Variants in CHST9 observed in about 807,000 individuals in gnomAD.
The protein encoded by CHST9 is GalNAc-4-sulfotransferase 2.
CHST9 carries 41 observed loss-of-function variants against 44.4 expected under a neutral mutation model. That is an observed-to-expected ratio of 0.92 (90% CI 0.72 to 1.20). The LOEUF is 1.20. Among genes scored for constraint, CHST9 ranks in the 50% most tolerant of loss-of-function variants. The pLI, the probability that CHST9 is intolerant of heterozygous loss-of-function variation, is 0.00. For missense variants in CHST9, 504 were observed against 516.5 expected, an observed-to-expected ratio of 0.98 and a Z score of 0.23; for synonymous variants, 171 against 178.4, an observed-to-expected ratio of 0.96 and a Z score of 0.33.
At chr18:27,131,754 G>A (rs73406627) in intron 2 of CHST9, among the ~76,000 whole-genome samples, 22 of 152,234 alleles carry the variant, frequency 1.4e-4, no homozygotes, top group African/African-American at 5.3e-4. Context: ...AAGACCTAAG[G>A]CCATGAAAGG....
chr18:26,929,000 G>A (rs556620973), intron 5 of CHST9, among the ~76,000 whole-genome samples: 79 of 152,294 alleles, frequency 5.2e-4, no homozygotes, highest in African/African-American at 1.7e-3. Flanking sequence ...TTTTGGAAAC[G>A]TTGAAATGTA....
intron 4 of CHST9, among the ~76,000 whole-genome samples, chr18:26,956,065 G>C (rs2056318139): frequency 6.6e-6 from 1 of 152,010 alleles, no homozygotes; most frequent in South Asian, 2.1e-4. Context: ...GGGAGGCTGA[G>C]GCAGGTGGAT....
intron 2 of CHST9, among the ~76,000 whole-genome samples, chr18:27,078,222 AGT>A (rs1303236344): frequency 2.0e-5 from 3 of 152,190 alleles, no homozygotes; most frequent in Admixed American, 6.5e-5. Context: ...AGGGTAACAG[AGT>A]GTGACATACA....
intron 2 of CHST9, among the ~76,000 whole-genome samples, chr18:27,129,337 A>G (rs73406623): frequency 0.017 from 2,636 of 151,904 alleles, 60 homozygotes; most frequent in African/African-American, 0.058. Flanking sequence ...CAAACCTCTT[A>G]ATTGCCTTAA....
intron 2 of CHST9, among the ~76,000 whole-genome samples, chr18:27,075,699 A>G (rs1419631810): frequency 8.6e-6 from 1 of 115,668 alleles, no homozygotes; most frequent in East Asian, 2.6e-4. Flanking sequence ...ACATACTCCC[A>G]GATGTGCAAA....
intron 2 of CHST9, among the ~76,000 whole-genome samples, chr18:27,128,374 A>T (rs761557753): frequency 6.6e-6 from 1 of 152,142 alleles, no homozygotes; most frequent in Non-Finnish European, 1.5e-5. Flanking sequence ...GGTTCAAGCA[A>T]TGCTCCTGCC....
intron 1 of CHST9, among the ~76,000 whole-genome samples, chr18:27,150,107 T>C (rs2058647880): frequency 6.6e-6 from 1 of 152,082 alleles, no homozygotes. Context: ...TTTTGATTTT[T>C]TTTTTTTCTT....
intron 2 of CHST9, among the ~76,000 whole-genome samples, chr18:27,064,785 T>C (rs1439081429): frequency 6.6e-6 from 1 of 152,178 alleles, no homozygotes; most frequent in East Asian, 1.9e-4. Flanking sequence ...CTGGCACTTC[T>C]TGGTACAGGC....
intron 2 of CHST9, among the ~76,000 whole-genome samples, chr18:27,068,046 G>A (rs2057800181): frequency 6.6e-6 from 1 of 151,846 alleles, no homozygotes; most frequent in African/African-American, 2.4e-5. Flanking sequence ...ACCTAACCAT[G>A]CCCCTAAAAG....
chr18:27,052,243 TAG>T (rs1317152210), intron 2 of CHST9, among the ~76,000 whole-genome samples: 1 of 151,768 alleles, frequency 6.6e-6, no homozygotes, highest in East Asian at 1.9e-4. Flanking sequence ...TGTGTATATA[TAG>T]GTGTGTGTGT....
At chr18:26,971,456 A>G (rs2056541230) in intron 4 of CHST9, among the ~76,000 whole-genome samples, 1 of 152,232 alleles carries the variant, frequency 6.6e-6, no homozygotes, top group Non-Finnish European at 1.5e-5. Flanking sequence ...GTCAGAATAG[A>G]CTAGGTTGTG....
At chr18:27,140,616 T>G (rs575247063) in intron 2 of CHST9, among the ~76,000 whole-genome samples, 1 of 152,324 alleles carries the variant, frequency 6.6e-6, no homozygotes, top group South Asian at 2.1e-4. Context: ...TGAGATCTTT[T>G]TCTTTCTTCT....
chr18:27,074,442 A>T (rs1438855401), intron 2 of CHST9, among the ~76,000 whole-genome samples: 3 of 152,204 alleles, frequency 2.0e-5, no homozygotes, highest in Non-Finnish European at 2.9e-5. Context: ...ATTAGCATTT[A>T]AAAAATAGCC....
chr18:27,141,358 C>T (rs916295116), intron 2 of CHST9, among the ~76,000 whole-genome samples: 14 of 152,004 alleles, frequency 9.2e-5, no homozygotes, highest in Non-Finnish European at 1.9e-4. Flanking sequence ...GAGCAAGACT[C>T]TGTCTCAAAA....
At position 26,916,237 on chromosome 18, in the gene CHST9, G is replaced by A. The variant is rs2055517743; in HGVS notation, c.*22C>T. On this transcript the variant is annotated 3_prime_UTR_variant, in exon 6 of 6. Coordinates refer to ENST00000618847, the MANE Select transcript of CHST9 (RefSeq NM_031422.6). ...ACTTATCATCATTAAGTATATACAGGGTTTTAGAAAATGAATGCAAACTAC... is the reference window on the plus strand; with the variant it reads ...ACTTATCATCATTAAGTATATACAGAGTTTTAGAAAATGAATGCAAACTAC... 2.0e-6 allele frequency: 3 copies of A among 1,466,064 alleles called. No homozygotes were observed. Among genetic ancestry groups the A allele is most frequent in the Non-Finnish European group, 2.8e-6 (3 of 1,065,240 alleles). The allele number at this position is 1,466,064 out of a possible 1,614,324, so 90.8% of individuals were successfully genotyped here.
chr18:27,021,552 C>G (rs1184008978), intron 4 of CHST9, among the ~76,000 whole-genome samples: 1 of 152,160 alleles, frequency 6.6e-6, no homozygotes, highest in East Asian at 1.9e-4. Flanking sequence ...TTTGATTGCT[C>G]CAGAGTACAC....
chr18:27,026,929 G>GT (rs1273817665), intron 3 of CHST9, among the ~76,000 whole-genome samples: 3 of 152,238 alleles, frequency 2.0e-5, no homozygotes, highest in East Asian at 1.9e-4. Context: ...TCTGATCATC[G>GT]TTTTTTGTGG....
chr18:26,977,031 AG>A (rs1278411719), intron 4 of CHST9, among the ~76,000 whole-genome samples: 1 of 152,168 alleles, frequency 6.6e-6, no homozygotes, highest in Non-Finnish European at 1.5e-5. Context: ...GTACTTTGCC[AG>A]GCCCTTTTAT....
At chr18:27,062,683 G>A (rs987911443) in intron 2 of CHST9, among the ~76,000 whole-genome samples, 6 of 152,096 alleles carry the variant, frequency 3.9e-5, no homozygotes, top group Non-Finnish European at 7.3e-5. Flanking sequence ...CCCAGTAATG[G>A]GATGGCTGGG....
Sources: allele counts gnomAD v4.1 joint callset (sites outside exome capture counted in the v4.1 genomes callset), GRCh38; gene constraint gnomAD v4.1.1; transcripts MANE v1.5; gene names NCBI Gene and HGNC (gene_info 2026-07-23, HGNC 2026-07-21).